Variants in RAP1GAP2 observed in about 807,000 individuals in gnomAD.
RAP1GAP2 encodes the protein rap1 GTPase-activating protein 2.
A neutral mutation model predicts 95.0 loss-of-function variants in RAP1GAP2; 27 were observed. The ratio of observed to expected loss-of-function variants is 0.28; its 90% CI spans 0.21 to 0.39. The LOEUF (loss-of-function observed/expected upper bound fraction) is 0.39, where lower values mean the gene tolerates loss of function less well. Ranked by LOEUF, RAP1GAP2 falls within the 10% of genes least tolerant of loss-of-function variation. The probability of loss-of-function intolerance (pLI) is 1.00; values close to 1 mark genes in which losing one functional copy is unlikely to be tolerated. For synonymous variants in RAP1GAP2, 373 were observed against 380.9 expected, an observed-to-expected ratio of 0.98 and a Z score of 0.24; for missense variants, 771 against 970.0, an observed-to-expected ratio of 0.79 and a Z score of 2.72.
intron 18 of RAP1GAP2, 52 bp from the exon 19 acceptor site, chr17:3,020,425 A>C: frequency 3.9e-5 from 55 of 1,410,880 alleles, no homozygotes; most frequent in Non-Finnish European, 4.7e-5. Context: ...ATGAGGGGAT[A>C]GGAGATCGGT....
Position 2,882,119 on chromosome 17 carries a change from CTTTTT to C in RAP1GAP2, c.81-23150_81-23146del, listed in dbSNP as rs1182195871. Among the ~76,000 whole-genome samples the C allele has an allele frequency of 1.8e-3, 238 of 131,808 alleles. 1 individual carries two copies. Among genetic ancestry groups the C allele is most frequent in the Non-Finnish European group, 9.6e-4 (60 of 62,244 alleles). The allele number at this position is 131,808 out of a possible 152,430, so 86.5% of individuals were successfully genotyped here. A position where few individuals can be genotyped will look rare whatever the true frequency, so the allele number is the denominator to read the frequency against. ...ACAGGCATGAGCCACTGTGCCTGGC[CTTTTT>C]TTTTTTTTTTTTTTAATTTTGAGAT... On this transcript the variant is annotated intron_variant, in intron 2 of 24. Coordinates refer to ENST00000254695, the MANE Select transcript of RAP1GAP2 (RefSeq NM_015085.5).
chr17:2,820,870 C>T lies in RAP1GAP2; in HGVS notation c.80+20320C>T, dbSNP rs1031260666. ...CCAAGTAGCTGGGACTACAGGTGCC[C>T]GCCACCACGGCCCGGATAATGGTTT... On this transcript the variant is annotated intron_variant, in intron 2 of 24. Coordinates refer to ENST00000254695, the MANE Select transcript of RAP1GAP2 (RefSeq NM_015085.5). 6.7e-4 allele frequency among the ~76,000 whole-genome samples: 42 copies of T among 63,020 alleles called. 2 individuals carry two copies. The East Asian group carries it at 6.7e-3, about 10-fold the overall frequency. The allele number at this position is 63,020 out of a possible 152,430, so 41.3% of individuals were successfully genotyped here.
In RAP1GAP2 at chr17:2,963,335, C is replaced by G. The variant is rs550463695; in HGVS notation, c.247-95C>G. The G allele has an allele frequency of 4.7e-5, 67 of 1,423,190 alleles. No homozygotes were observed. The highest frequency in any genetic ancestry group is 6.3e-5 in the Non-Finnish European group (63 of 1,007,326). The allele number at this position is 1,423,190 out of a possible 1,614,324, so 88.2% of individuals were successfully genotyped here. ...CGAATGTTCCTCCCTCAAAGCCCCC[C>G]CACAACATATCCCCCTTGCAAGACC... On this transcript the variant is annotated intron_variant, in intron 5 of 24. Coordinates refer to ENST00000254695, the MANE Select transcript of RAP1GAP2 (RefSeq NM_015085.5). The surrounding 1 kb of genome is among the most constrained non-coding windows in gnomAD (Gnocchi z 4.8).
chr17:2,943,755 A>G (rs1179022919), intron 3 of RAP1GAP2, among the ~76,000 whole-genome samples: 2 of 152,206 alleles, frequency 1.3e-5, no homozygotes, highest in African/African-American at 2.4e-5. Context: ...AAGACATACA[A>G]GTGGTCAACA....
intron 17 of RAP1GAP2, among the ~76,000 whole-genome samples, chr17:3,014,605 A>C (rs1168525573): frequency 4.2e-5 from 6 of 141,332 alleles, no homozygotes; most frequent in Non-Finnish European, 9.0e-5. Context: ...GCTGGAGTGC[A>C]GTGGTGCGAT....
intron 2 of RAP1GAP2, among the ~76,000 whole-genome samples, chr17:2,830,395 C>T (rs779937220): frequency 3.3e-4 from 50 of 150,288 alleles, no homozygotes; most frequent in African/African-American, 1.1e-3. Flanking sequence ...CCAGTCTGGG[C>T]GACAGAGGAA....
intron 2 of RAP1GAP2, among the ~76,000 whole-genome samples, chr17:2,864,869 C>A (rs115920466): frequency 1.2e-3 from 181 of 152,266 alleles, no homozygotes; most frequent in African/African-American, 4.2e-3. Context: ...GGAGGCTGCG[C>A]GTCGCAGTAC....
chr17:2,964,084 A>T lies in RAP1GAP2; in HGVS notation c.492+16A>T. ...CCTGGGGAAGGTGAGGCTGGGGGAG[A>T]GGAGCTGCTGGGGGTTGGGGGCAGA... On this transcript the variant is annotated intron_variant, in intron 7 of 24. Coordinates refer to ENST00000254695, the MANE Select transcript of RAP1GAP2 (RefSeq NM_015085.5). The T allele has an allele frequency of 2.0e-6, 3 of 1,497,770 alleles. No homozygotes were observed. The highest frequency in any genetic ancestry group is 2.6e-5 in the East Asian group (1 of 38,664). 92.8% of individuals were successfully genotyped at this position (1,497,770 alleles called of 1,614,324 possible). A position where few individuals can be genotyped will look rare whatever the true frequency, so the allele number is the denominator to read the frequency against.
intron 10 of RAP1GAP2, 72 bp from the exon 11 acceptor site, chr17:2,984,911 C>T: frequency 6.3e-7 from 1 of 1,585,506 alleles, no homozygotes; most frequent in South Asian, 1.2e-5. Flanking sequence ...GATGCTTCCC[C>T]TGCCATGTGC....
chr17:2,876,128 G>A (rs1019138423), intron 2 of RAP1GAP2, among the ~76,000 whole-genome samples: 56 of 151,704 alleles, frequency 3.7e-4, no homozygotes, highest in African/African-American at 1.2e-3. Context: ...TAGTAGAGAC[G>A]GGGTTTCACC....
In RAP1GAP2 at chr17:2,963,838, C is replaced by T. The variant is rs1445694823; in HGVS notation, c.280-18C>T. ...CCTGCGGTCCCAGGGGAGCGCACGA[C>T]CCTCCCTCTGCCTTCAGGTTGTGGA... On this transcript the variant is annotated intron_variant, in intron 6 of 24. Transcript: ENST00000254695. The surrounding 1 kb of genome is among the most constrained non-coding windows in gnomAD (Gnocchi z 4.8). The T allele has an allele frequency of 6.4e-7, 1 of 1,568,312 alleles. No individual in the cohort carries two copies. The highest frequency in any genetic ancestry group is 1.2e-5 in the South Asian group (1 of 85,330).
rs2151602926 is a variant in RAP1GAP2 at position 3,004,429 on chromosome 17, G to C, written c.1201-940G>C. 6.6e-6 allele frequency among the ~76,000 whole-genome samples: 1 copy of C among 152,386 alleles called. No homozygotes were observed. The highest frequency in any genetic ancestry group is 1.9e-4 in the East Asian group (1 of 5,180). On this transcript the variant is annotated intron_variant, in intron 14 of 24. Transcript: ENST00000254695. This position sits in a 1 kb window ranked among gnomAD's most constrained non-coding sequence, Gnocchi z 4.1. ...CTGCTCCACTTCACAGGCCGGGGAG[G>C]CTGGCAGCACGCCAGGGCTGGGCTC...
intron 2 of RAP1GAP2, among the ~76,000 whole-genome samples, chr17:2,821,687 T>G (rs993679185): frequency 2.0e-5 from 3 of 152,166 alleles, no homozygotes; most frequent in African/African-American, 7.2e-5. Flanking sequence ...TGTGGTGTTT[T>G]AAATTTAAGT....
chr17:2,835,851 C>T (rs920655647), intron 2 of RAP1GAP2, among the ~76,000 whole-genome samples: 15 of 152,122 alleles, frequency 9.9e-5, no homozygotes, highest in Admixed American at 9.8e-4. Flanking sequence ...CTTGATTTTA[C>T]GGAAGAAAGA....
chr17:2,809,422 G>A (rs73976587), intron 2 of RAP1GAP2, among the ~76,000 whole-genome samples: 1 of 152,208 alleles, frequency 6.6e-6, no homozygotes, highest in African/African-American at 2.4e-5. Flanking sequence ...GTGTGAGTGT[G>A]AGGGTATGGG....
intron 3 of RAP1GAP2, among the ~76,000 whole-genome samples, chr17:2,956,287 A>G (rs887840365): frequency 2.0e-5 from 3 of 152,208 alleles, no homozygotes; most frequent in Admixed American, 1.3e-4. Flanking sequence ...GGGTTTCTAG[A>G]TGCCAGATCC....
At chr17:2,891,969 A>G (rs1468783226) in intron 2 of RAP1GAP2, among the ~76,000 whole-genome samples, 2 of 151,402 alleles carry the variant, frequency 1.3e-5, no homozygotes, top group African/African-American at 4.9e-5. Flanking sequence ...GACTACAGTC[A>G]TGTGCCACCA....
intron 8 of RAP1GAP2, among the ~76,000 whole-genome samples, chr17:2,971,926 C>T (rs564117738): frequency 3.9e-5 from 6 of 152,006 alleles, no homozygotes; most frequent in South Asian, 2.1e-4. Flanking sequence ...ACTAGCTAGT[C>T]GAATATAGAT....
intron 2 of RAP1GAP2, among the ~76,000 whole-genome samples, chr17:2,896,610 G>C (rs1274251071): frequency 6.6e-6 from 1 of 152,224 alleles, no homozygotes; most frequent in Admixed American, 6.5e-5. Flanking sequence ...TTGCCCATGT[G>C]GGTAGATTGG....
Sources: allele counts gnomAD v4.1 joint callset (sites outside exome capture counted in the v4.1 genomes callset), GRCh38; gene constraint gnomAD v4.1.1; non-coding constraint Gnocchi (gnomAD v3.1); transcripts MANE v1.5; gene names NCBI Gene and HGNC (gene_info 2026-07-23, HGNC 2026-07-21).